Variants in MALRD1 observed in about 807,000 individuals in gnomAD.
MALRD1 encodes the protein MAM and LDL receptor class A domain containing 1, also known as MAM and LDL-receptor class A domain-containing protein 1.
Under a neutral mutation model 242.1 loss-of-function variants are expected in MALRD1, and 247 were observed. That is an observed-to-expected ratio of 1.02 (90% confidence interval 0.92 to 1.13). The LOEUF is 1.13. Ranked by LOEUF, MALRD1 falls within the 50% of genes most tolerant of loss-of-function variation. The probability of loss-of-function intolerance (pLI) is 0.00; values close to 1 mark genes in which losing one functional copy is unlikely to be tolerated. For missense variants in MALRD1, 2,989 were observed against 2,533.1 expected, an observed-to-expected ratio of 1.18 and a Z score of -3.86; for synonymous variants, 995 against 866.6, an observed-to-expected ratio of 1.15 and a Z score of -2.60.
chr10:19,580,263 A>G (rs1047533393), intron 33 of MALRD1, among the ~76,000 whole-genome samples: 1 of 152,142 alleles, frequency 6.6e-6, no homozygotes, highest in Non-Finnish European at 1.5e-5. Flanking sequence ...TGGTATCACT[A>G]TTTTTGGTTA....
chr10:19,595,049 A>G (rs962426270), intron 33 of MALRD1, 145 bp from the exon 34 acceptor site: 14 of 751,904 alleles, frequency 1.9e-5, no homozygotes, highest in Non-Finnish European at 2.7e-5. Flanking sequence ...GTTTGTAGGC[A>G]TCATATTAAT....
At position 19,655,631 on chromosome 10, in the gene MALRD1, G is replaced by T. The variant is rs1345643750; in HGVS notation, c.6138-36651G>T. ...GAAATATAACATAATTGCTTTGTGA[G>T]ATATATCTAGACATACGACATACTC... On this transcript the variant is annotated intron_variant, in intron 36 of 39. Coordinates refer to ENST00000454679, the MANE Select transcript of MALRD1 (RefSeq NM_001142308.3). 5.4e-5 allele frequency among the ~76,000 whole-genome samples: 8 copies of T among 147,486 alleles called. 1 individual carries two copies. Among genetic ancestry groups the T allele is most frequent in the African/African-American group, 2.0e-4 (8 of 40,086 alleles).
intron 14 of MALRD1, among the ~76,000 whole-genome samples, chr10:19,176,615 C>T (rs1452557479): frequency 1.3e-5 from 2 of 150,832 alleles, no homozygotes; most frequent in Non-Finnish European, 3.0e-5. Flanking sequence ...ACCTCATGAT[C>T]CACCCGCCTC....
At chr10:19,607,100 A>G (rs1490103523) in intron 34 of MALRD1, among the ~76,000 whole-genome samples, 1 of 152,180 alleles carries the variant, frequency 6.6e-6, no homozygotes, top group Non-Finnish European at 1.5e-5. Context: ...CCAAAGTCTT[A>G]TGAGTATTAG....
chr10:19,631,359 G>A (rs1017309397), intron 36 of MALRD1, among the ~76,000 whole-genome samples: 3 of 152,140 alleles, frequency 2.0e-5, no homozygotes, highest in African/African-American at 7.2e-5. Context: ...ATTTCATGAT[G>A]TATATGTATC....
At chr10:19,429,492 A>G (rs922164842) in intron 28 of MALRD1, among the ~76,000 whole-genome samples, 3 of 152,112 alleles carry the variant, frequency 2.0e-5, no homozygotes, top group Non-Finnish European at 4.4e-5. Flanking sequence ...TGAACCCGGG[A>G]GGTGGAGGTT....
chr10:19,603,521 TC>T (rs1420652458), intron 34 of MALRD1, among the ~76,000 whole-genome samples: 1 of 152,146 alleles, frequency 6.6e-6, no homozygotes, highest in African/African-American at 2.4e-5. Flanking sequence ...TGGTATTATT[TC>T]TGAGGGCTCT....
intron 31 of MALRD1, among the ~76,000 whole-genome samples, chr10:19,503,902 A>G (rs912778900): frequency 2.6e-4 from 39 of 152,334 alleles, no homozygotes; most frequent in African/African-American, 9.4e-4. Context: ...CTGGGAACAG[A>G]ATATGAATTA....
intron 36 of MALRD1, among the ~76,000 whole-genome samples, chr10:19,626,091 C>T (rs1210398253): frequency 2.0e-5 from 3 of 151,890 alleles, no homozygotes; most frequent in Admixed American, 6.6e-5. Context: ...CAGGGTGGTG[C>T]ATTATTTTCA....
intron 31 of MALRD1, among the ~76,000 whole-genome samples, chr10:19,528,158 TACAATG>T (rs141585700): frequency 0.017 from 2,577 of 152,296 alleles, 39 homozygotes; most frequent in East Asian, 0.045. Flanking sequence ...TGGTGGTACA[TACAATG>T]TATTTCAAAG....
chr10:19,206,326 A>G (rs1179440232), intron 17 of MALRD1, among the ~76,000 whole-genome samples: 1 of 152,122 alleles, frequency 6.6e-6, no homozygotes. Context: ...CAGAATTACC[A>G]TGCATCTCAT....
At position 19,227,149 on chromosome 10, in the gene MALRD1, T is replaced by G. The variant is rs139283064; in HGVS notation, c.2991+17469T>G. Among the ~76,000 whole-genome samples, 111 of 152,018 alleles carry G rather than the reference T, an allele frequency of 7.3e-4. 1 individual carries two copies. The East Asian group carries it at 0.02, about 28-fold the overall frequency. On this transcript the variant is annotated intron_variant, in intron 18 of 39. Coordinates refer to ENST00000454679, the MANE Select transcript of MALRD1 (RefSeq NM_001142308.3). ...CTTTTTGGAGAAATTACAAAGCTGATTCTAATTTTTTTTTTTAATGCGGAA... is the reference window on the plus strand; with the variant it reads ...CTTTTTGGAGAAATTACAAAGCTGAGTCTAATTTTTTTTTTTAATGCGGAA...
At chr10:19,550,573 C>T (rs1489536885) in intron 32 of MALRD1, among the ~76,000 whole-genome samples, 1 of 152,160 alleles carries the variant, frequency 6.6e-6, no homozygotes, top group Non-Finnish European at 1.5e-5. Flanking sequence ...TTAGCTCCCA[C>T]TTAAGTGTGA....
At chr10:19,453,524 A>G (rs1441642003) in intron 29 of MALRD1, among the ~76,000 whole-genome samples, 1 of 152,232 alleles carries the variant, frequency 6.6e-6, no homozygotes, top group Non-Finnish European at 1.5e-5. Context: ...ATAAATCAAT[A>G]AAACTTTTTA....
chr10:19,297,416 ATATT>A (rs1841756993), intron 21 of MALRD1, among the ~76,000 whole-genome samples: 1 of 151,914 alleles, frequency 6.6e-6, no homozygotes, highest in African/African-American at 2.4e-5. Context: ...AACTAAAAAA[ATATT>A]TAGACATTTT....
At chr10:19,681,959 G>C (rs984030128) in intron 36 of MALRD1, among the ~76,000 whole-genome samples, 1 of 149,692 alleles carries the variant, frequency 6.7e-6, no homozygotes, top group Non-Finnish European at 1.5e-5. Context: ...CACATTAGCT[G>C]TAGCTGAGAC....
intron 36 of MALRD1, among the ~76,000 whole-genome samples, chr10:19,663,492 T>G (rs1841534835): frequency 6.6e-6 from 1 of 152,148 alleles, no homozygotes; most frequent in African/African-American, 2.4e-5. Flanking sequence ...AACATACAAA[T>G]GCAGGTGTCT....
Position 19,416,507 on chromosome 10 carries a change from A to G in MALRD1, c.4845+26898A>G, listed in dbSNP as rs564093234. On this transcript the variant is annotated intron_variant, in intron 28 of 39. Transcript: ENST00000454679. ...AGTTCTAACCCTTCTCATCTGCTCAAATATATTCAGCAGCTCCTCATTGCC... is the reference window on the plus strand; with the variant it reads ...AGTTCTAACCCTTCTCATCTGCTCAGATATATTCAGCAGCTCCTCATTGCC... 2.6e-5 allele frequency among the ~76,000 whole-genome samples: 4 copies of G among 152,266 alleles called. No individual in the cohort carries two copies. In the South Asian group the frequency reaches 8.3e-4, roughly 32 times the overall value.
At chr10:19,282,982 T>G (rs1359571485) in intron 20 of MALRD1, 37 bp from the exon 21 acceptor site, 1 of 1,453,814 alleles carries the variant, frequency 6.9e-7, no homozygotes, top group South Asian at 1.5e-5. Context: ...AACTGCCACT[T>G]ACTAGCTCAC....
Sources: allele counts gnomAD v4.1 joint callset (sites outside exome capture counted in the v4.1 genomes callset), GRCh38; gene constraint gnomAD v4.1.1; transcripts MANE v1.5; gene names NCBI Gene and HGNC (gene_info 2026-07-23, HGNC 2026-07-21).